Variants in FBXL17 observed in about 807,000 individuals in gnomAD.
FBXL17 encodes the protein F-box/LRR-repeat protein 17.
A neutral mutation model predicts 66.2 loss-of-function variants in FBXL17; 22 were observed. That is an observed-to-expected ratio of 0.33 (90% CI 0.24 to 0.47). The LOEUF (loss-of-function observed/expected upper bound fraction) is 0.47. Ranked by LOEUF, FBXL17 falls within the 20% of genes least tolerant of loss-of-function variation. The pLI, the probability that FBXL17 is intolerant of heterozygous loss-of-function variation, is 1.00. For synonymous variants in FBXL17, 474 were observed against 400.5 expected, an observed-to-expected ratio of 1.18 and a Z score of -2.19; for missense variants, 878 against 948.2, an observed-to-expected ratio of 0.93 and a Z score of 0.97.
chr5:108,368,081 T>C, intron 1 of FBXL17, 128 bp from the exon 2 acceptor site: 2 of 844,804 alleles, frequency 2.4e-6, no homozygotes, highest in South Asian at 1.9e-5. Context: ...AGGCCATTAT[T>C]GTAAGTCACC....
chr5:108,325,523 G>C (rs1759808031), intron 4 of FBXL17, among the ~76,000 whole-genome samples: 1 of 152,012 alleles, frequency 6.6e-6, no homozygotes, highest in African/African-American at 2.4e-5. Context: ...TACTTTTTCA[G>C]GAAAAAGTAT....
intron 6 of FBXL17, among the ~76,000 whole-genome samples, chr5:108,048,801 G>T (rs1279610868): frequency 6.6e-6 from 1 of 152,110 alleles, no homozygotes; most frequent in East Asian, 1.9e-4. Flanking sequence ...AGAAATATGG[G>T]ACTACGTAAA....
intron 4 of FBXL17, among the ~76,000 whole-genome samples, chr5:108,288,383 C>G (rs996728781): frequency 6.7e-6 from 1 of 150,264 alleles, no homozygotes; most frequent in East Asian, 1.9e-4. Flanking sequence ...AAAAATGGGA[C>G]CAACAGACTG....
At chr5:108,237,801 G>A (rs996540674) in intron 4 of FBXL17, among the ~76,000 whole-genome samples, 1 of 152,124 alleles carries the variant, frequency 6.6e-6, no homozygotes, top group Admixed American at 6.5e-5. Context: ...ACCTTAGTTA[G>A]GCCTAGCCAC....
chr5:108,069,371 AACAT>A (rs1748244919), intron 6 of FBXL17, among the ~76,000 whole-genome samples: 1 of 152,204 alleles, frequency 6.6e-6, no homozygotes, highest in Non-Finnish European at 1.5e-5. Flanking sequence ...TAAAAATAGG[AACAT>A]TAAGGATATA....
rs149500326 is a variant in FBXL17, at chr5:107,974,409, A to G, written c.1822+46516T>C. Reference sequence around the variant, plus strand: ...ACAGTTAAACAAAAAAGAGTAAGGCAATTATGTCTTAATACTTATAAAGAC... The same window carrying G: ...ACAGTTAAACAAAAAAGAGTAAGGCGATTATGTCTTAATACTTATAAAGAC... On this transcript the variant is annotated intron_variant, in intron 7 of 8. Transcript: ENST00000542267. Among the ~76,000 whole-genome samples the G allele has an allele frequency of 4.6e-4, 70 of 152,264 alleles. 1 individual carries two copies. Among genetic ancestry groups the G allele is most frequent in the African/African-American group, 1.7e-3 (70 of 41,574 alleles).
intron 5 of FBXL17, among the ~76,000 whole-genome samples, chr5:108,223,181 TAACTCATA>T (rs1056498877): frequency 6.6e-6 from 1 of 152,156 alleles, no homozygotes; most frequent in African/African-American, 2.4e-5. Flanking sequence ...TAGTCCTAGG[TAACTCATA>T]AACATTTGCT....
At chr5:108,362,204 C>A (rs767605115) in intron 3 of FBXL17, among the ~76,000 whole-genome samples, 7 of 152,048 alleles carry the variant, frequency 4.6e-5, no homozygotes, top group Admixed American at 6.6e-5. Flanking sequence ...ATAGCCAGAT[C>A]AAAATTTACT....
chr5:107,987,071 A>G (rs1003724616), intron 7 of FBXL17, among the ~76,000 whole-genome samples: 4 of 152,080 alleles, frequency 2.6e-5, no homozygotes, highest in Non-Finnish European at 5.9e-5. Context: ...AATGGCATTT[A>G]TGAAAGAATG....
chr5:107,912,203 A>T (rs1749970885), intron 7 of FBXL17, among the ~76,000 whole-genome samples: 1 of 152,102 alleles, frequency 6.6e-6, no homozygotes, highest in Non-Finnish European at 1.5e-5. Flanking sequence ...TGTGCCAAGC[A>T]TGTAACTCCA....
At chr5:108,236,045 G>T (rs560766298) in intron 4 of FBXL17, among the ~76,000 whole-genome samples, 1 of 152,294 alleles carries the variant, frequency 6.6e-6, no homozygotes, top group East Asian at 1.9e-4. Flanking sequence ...CAATATGTCT[G>T]AAGTGAACTG....
chr5:108,333,497 A>G (rs1760232630), intron 4 of FBXL17, among the ~76,000 whole-genome samples: 1 of 152,196 alleles, frequency 6.6e-6, no homozygotes, highest in African/African-American at 2.4e-5. Context: ...GGACAAAATG[A>G]CTGTTAACTA....
intron 4 of FBXL17, among the ~76,000 whole-genome samples, chr5:108,273,132 C>T (rs1481730327): frequency 6.6e-6 from 1 of 152,024 alleles, no homozygotes; most frequent in Non-Finnish European, 1.5e-5. Flanking sequence ...TCACAGACAT[C>T]AAGTACTTTA....
At chr5:108,159,550 G>T (rs1752128700) in intron 6 of FBXL17, among the ~76,000 whole-genome samples, 1 of 152,178 alleles carries the variant, frequency 6.6e-6, no homozygotes, top group African/African-American at 2.4e-5. Context: ...TGAGGACTCA[G>T]TGAGAAGGTG....
chr5:108,294,170 C>A (rs1366258621), intron 4 of FBXL17, among the ~76,000 whole-genome samples: 2 of 142,640 alleles, frequency 1.4e-5, no homozygotes, highest in Non-Finnish European at 3.0e-5. Context: ...CATAAGCATT[C>A]AAAGAAAGAA....
At chr5:108,014,765 C>T (rs184540716) in intron 7 of FBXL17, among the ~76,000 whole-genome samples, 1 of 152,238 alleles carries the variant, frequency 6.6e-6, no homozygotes, top group Non-Finnish European at 1.5e-5. Flanking sequence ...TAAAGACATA[C>T]CCCATACTAG....
intron 5 of FBXL17, among the ~76,000 whole-genome samples, chr5:108,203,898 A>G: frequency 6.6e-6 from 1 of 152,280 alleles, no homozygotes; most frequent in East Asian, 1.9e-4. Context: ...GAAAAAATCA[A>G]TTTTGTTTTC....
chr5:108,314,077 ATTTCTAT>A (rs1759243850), intron 4 of FBXL17, among the ~76,000 whole-genome samples: 1 of 151,826 alleles, frequency 6.6e-6, no homozygotes, highest in South Asian at 2.1e-4. Flanking sequence ...TTTTTGCAAC[ATTTCTAT>A]TTTCTATTAC....
At chr5:108,178,816 G>A (rs1476809012) in intron 6 of FBXL17, among the ~76,000 whole-genome samples, 1 of 152,110 alleles carries the variant, frequency 6.6e-6, no homozygotes, top group African/African-American at 2.4e-5. Context: ...AGGCTTTTAT[G>A]ATAGAAAATT....
Sources: allele counts gnomAD v4.1 joint callset (sites outside exome capture counted in the v4.1 genomes callset), GRCh38; gene constraint gnomAD v4.1.1; transcripts MANE v1.5; gene names NCBI Gene and HGNC (gene_info 2026-07-23, HGNC 2026-07-21).